The following CRACD variants were observed in gnomAD, a reference collection of about 807,000 sequenced individuals.
CRACD encodes the protein capping protein-inhibiting regulator of actin dynamics.
A neutral mutation model predicts 106.8 loss-of-function variants in CRACD; 56 were observed. The ratio of observed to expected loss-of-function variants is 0.52; its 90% CI spans 0.42 to 0.66. The LOEUF (loss-of-function observed/expected upper bound fraction) is 0.66, where lower values mean the gene tolerates loss of function less well. Ranked by LOEUF, CRACD falls within the 30% of genes least tolerant of loss-of-function variation. The pLI is 0.00. For synonymous variants in CRACD, 754 were observed against 670.8 expected, an observed-to-expected ratio of 1.12 and a Z score of -1.92; for missense variants, 1,730 against 1,623.2, an observed-to-expected ratio of 1.07 and a Z score of -1.13.
At chr4:56,108,655 G>T (rs1008695117) in intron 1 of CRACD, among the ~76,000 whole-genome samples, 1 of 152,154 alleles carries the variant, frequency 6.6e-6, no homozygotes, top group Non-Finnish European at 1.5e-5. Flanking sequence ...GACAAGGGGG[G>T]CAGGGTAAGG....
At chr4:56,173,841 G>A (rs1736475714) in intron 1 of CRACD, among the ~76,000 whole-genome samples, 1 of 152,096 alleles carries the variant, frequency 6.6e-6, no homozygotes, top group Non-Finnish European at 1.5e-5. Flanking sequence ...CCTACCAACA[G>A]GGTACAAGAA....
intron 1 of CRACD, among the ~76,000 whole-genome samples, chr4:56,095,071 CT>C (rs1205531136): frequency 6.6e-6 from 1 of 152,100 alleles, no homozygotes; most frequent in Non-Finnish European, 1.5e-5. Flanking sequence ...TTAAAAAATA[CT>C]TTAGGCTGGG....
Position 56,170,816 on chromosome 4 carries a change from G to A in CRACD, c.-335-8468G>A, listed in dbSNP as rs1170514553. Among the ~76,000 whole-genome samples, 3 of 152,194 alleles carry A rather than the reference G, an allele frequency of 2.0e-5. No individual in the cohort carries two copies. The East Asian group carries it at 5.8e-4, about 29-fold the overall frequency. ...ATTGTGCCACTGCACTCCAGACTGA[G>A]CAGCAGGATGAGACCCTATCTCTTA... On this transcript the variant is annotated intron_variant, in intron 1 of 10. Transcript: ENST00000682029.
At chr4:56,159,969 C>CG (rs1394563284) in intron 1 of CRACD, among the ~76,000 whole-genome samples, 8 of 150,952 alleles carry the variant, frequency 5.3e-5, no homozygotes. Flanking sequence ...TTAGTAGAGA[C>CG]GGGGTTTCTC....
chr4:56,169,296 T>G (rs1233192288), intron 1 of CRACD, among the ~76,000 whole-genome samples: 1 of 152,180 alleles, frequency 6.6e-6, no homozygotes, highest in Non-Finnish European at 1.5e-5. Flanking sequence ...GTTACAGTTT[T>G]GGGAACAAGC....
chr4:56,232,921 G>A (rs952268042), intron 2 of CRACD, among the ~76,000 whole-genome samples: 1 of 151,656 alleles, frequency 6.6e-6, no homozygotes, highest in Non-Finnish European at 1.5e-5. Context: ...TACAGACGGG[G>A]TTTCACCATA....
intron 1 of CRACD, among the ~76,000 whole-genome samples, chr4:56,128,917 T>C (rs942963133): frequency 3.9e-5 from 6 of 152,198 alleles, no homozygotes; most frequent in African/African-American, 1.4e-4. Context: ...AAAATATTTC[T>C]GGGTAAAATT....
At chr4:56,243,299 C>T (rs1740476113) in intron 2 of CRACD, among the ~76,000 whole-genome samples, 1 of 152,080 alleles carries the variant, frequency 6.6e-6, no homozygotes, top group Non-Finnish European at 1.5e-5. Context: ...CAAGATCAGG[C>T]GTTAGGAGAT....
chr4:56,324,323 G>A (rs572788437), intron 10 of CRACD, 57 bp downstream of exon 10: 26 of 1,530,874 alleles, frequency 1.7e-5, no homozygotes, highest in Admixed American at 7.2e-5. Context: ...TTTGTAGAGC[G>A]TGCTTTATAT....
At position 56,315,226 on chromosome 4, in the gene CRACD, C is replaced by T. The variant is rs1276896071; in HGVS notation, c.1724C>T (p.Ala575Val). Residue 575 changes from alanine (A) to valine (V), a missense_variant, in exon 8 of 11, where the codon GCC (alanine) becomes GTC (valine). Ala to Val is a moderately conservative substitution (Grantham distance 64, BLOSUM62 0). This residue lies in a region of CRACD where 1,620 missense variants were observed against 1,481.6 expected (regional missense o/e 1.09). Transcript: ENST00000682029. This position sits in a 1 kb window ranked among gnomAD's most constrained non-coding sequence, Gnocchi z 4.1. ...GLTAAPQEPK[A>V]PKASPVQHAL... ...ACCGCTGCTCCCCAGGAACCAAAGG[C>T]CCCCAAAGCCAGCCCAGTCCAGCAC... 4 of 1,595,488 alleles carry T rather than the reference C, an allele frequency of 2.5e-6. No homozygotes were observed. Among genetic ancestry groups the T allele is most frequent in the Non-Finnish European group, 3.4e-6 (4 of 1,170,920 alleles).
intron 2 of CRACD, among the ~76,000 whole-genome samples, chr4:56,222,556 A>G (rs1739100511): frequency 2.0e-5 from 3 of 152,222 alleles, no homozygotes; most frequent in Admixed American, 2.0e-4. Context: ...ATATGTAGAC[A>G]TATAAGGTAA....
chr4:56,323,254 A>T, intron 8 of CRACD, 123 bp from the exon 9 acceptor site: 1 of 772,636 alleles, frequency 1.3e-6, no homozygotes, highest in Non-Finnish European at 2.0e-6. Flanking sequence ...AGGTTGTGCT[A>T]GGAAGGGGCC....
At chr4:56,164,375 C>T (rs929852152) in intron 1 of CRACD, among the ~76,000 whole-genome samples, 1 of 151,134 alleles carries the variant, frequency 6.6e-6, no homozygotes, top group African/African-American at 2.4e-5. Flanking sequence ...ACCTCGTGAT[C>T]CACCTGCCTC....
At chr4:56,202,512 G>A (rs1387429255) in intron 2 of CRACD, among the ~76,000 whole-genome samples, 1 of 152,180 alleles carries the variant, frequency 6.6e-6, no homozygotes, top group Non-Finnish European at 1.5e-5. Context: ...CTCCCAAAGT[G>A]CTGGGATTAC....
In CRACD at chr4:56,310,788, T is replaced by TC. The variant is rs1745102266; in HGVS notation, c.354+54_354+55insC. The stretch of plus-strand genomic sequence containing the variant: ...CTTCTTTCCTTACTTAACTTTCATC[T>TC]TCCCCCCCCCTTTTTTTTTTTTGCG... On this transcript the variant is annotated intron_variant, in intron 6 of 10. Coordinates refer to ENST00000682029, the MANE Select transcript of CRACD (RefSeq NM_001393381.1). 1.8e-4 allele frequency: 181 copies of TC among 1,014,510 alleles called. 1 individual carries two copies. Among genetic ancestry groups the TC allele is most frequent in the South Asian group, 1.6e-3 (111 of 70,418 alleles). The allele number at this position is 1,014,510 out of a possible 1,614,324, so 62.8% of individuals were successfully genotyped here.
At chr4:56,246,598 T>G (rs746202736) in intron 2 of CRACD, 2 of 152,198 alleles carry the variant, frequency 1.3e-5, no homozygotes, top group African/African-American at 2.4e-5. Context: ...CCTACTGAGC[T>G]TCTACATGGG....
intron 2 of CRACD, among the ~76,000 whole-genome samples, chr4:56,206,112 A>C (rs898118280): frequency 4.6e-5 from 7 of 152,140 alleles, no homozygotes; most frequent in African/African-American, 1.4e-4. Context: ...TGTTCCTGAT[A>C]AAATAACCAG....
Position 56,262,226 on chromosome 4 carries a change from A to G in CRACD, c.-188-10095A>G, listed in dbSNP as rs935517317. On this transcript the variant is annotated intron_variant, in intron 2 of 10. Transcript: ENST00000682029. ...GAGGTGATGGAAGGAGAGTCATCTGAAATTGGACGGAAACCTGTAACACTG... is the reference window on the plus strand; with the variant it reads ...GAGGTGATGGAAGGAGAGTCATCTGGAATTGGACGGAAACCTGTAACACTG... Among the ~76,000 whole-genome samples, 4 of 152,314 alleles carry G rather than the reference A, an allele frequency of 2.6e-5. No individual in the cohort carries two copies. In the East Asian group the frequency reaches 5.8e-4, roughly 22 times the overall value.
At chr4:56,313,060 A>G (rs1745256777) in intron 6 of CRACD, 137 bp from the exon 7 acceptor site, 1 of 720,642 alleles carries the variant, frequency 1.4e-6, no homozygotes, top group Non-Finnish European at 2.4e-6. Flanking sequence ...TCATTTTCTG[A>G]GGAGTTCCCT....
Sources: allele counts gnomAD v4.1 joint callset (sites outside exome capture counted in the v4.1 genomes callset), GRCh38; gene constraint gnomAD v4.1.1; regional missense constraint gnomAD v4.1.1; non-coding constraint Gnocchi (gnomAD v3.1); transcripts MANE v1.5; gene names NCBI Gene and HGNC (gene_info 2026-07-23, HGNC 2026-07-21).